HLA-DMA: variants seen among roughly 807,000 people sequenced by gnomAD.
HLA-DMA encodes the protein HLA class II histocompatibility antigen, DM alpha chain.
Under a neutral mutation model 27.3 loss-of-function variants are expected in HLA-DMA, and 20 were observed. That is an observed-to-expected ratio of 0.73 (90% CI 0.52 to 1.07). HLA-DMA has a LOEUF of 1.07. HLA-DMA is among the 50% of genes least tolerant of loss of function. HLA-DMA has a pLI of 0.00. For synonymous variants in HLA-DMA, 111 were observed against 126.8 expected (o/e 0.88, Z 0.83); for missense variants, 241 against 321.7 (o/e 0.75, Z 1.92).
chr6:32,950,156 ACATTGATGTCTAACCATGCAC>A lies in HLA-DMA; in HGVS notation c.374-288_374-268del, dbSNP rs1257881591. ...CTTCAGCACTTCCTGTCTAGAGCTC[ACATTGATGTCTAACCATGCAC>A]TGTCTTCTCACTAAGACATAGTCAC... On this transcript the variant is annotated intron_variant, in intron 2 of 4. Transcript: ENST00000374843. The surrounding 1 kb of genome is among the most constrained non-coding windows in gnomAD (Gnocchi z 5.0). 9.4e-5 allele frequency: 56 copies of A among 594,872 alleles called. No individual in the cohort carries two copies. Among genetic ancestry groups the A allele is most frequent in the Non-Finnish European group, 1.6e-4 (53 of 335,612 alleles). 36.8% of individuals were successfully genotyped at this position (594,872 alleles called of 1,614,324 possible).
Position 32,950,678 on chromosome 6 carries a change from C to T in HLA-DMA, c.214G>A (p.Asp72Asn), listed in dbSNP as rs368160706. 3.7e-6 allele frequency: 6 copies of T among 1,613,046 alleles called. No individual in the cohort carries two copies. Among genetic ancestry groups the T allele is most frequent in the East Asian group, 2.2e-5 (1 of 44,882 alleles). Residue 72 changes from aspartate (D) to asparagine (N), a missense_variant, in exon 2 of 5, where the codon GAC (aspartate) becomes AAC (asparagine). Physicochemically the swap from Asp to Asn is conservative, Grantham distance 23. Coordinates refer to ENST00000374843, the MANE Select transcript of HLA-DMA (RefSeq NM_006120.4). This position sits in a 1 kb window ranked among gnomAD's most constrained non-coding sequence, Gnocchi z 5.0. The part of the protein sequence containing the change: ...AYDEDQLFFF[D>N]FSQNTRVPRL... ...GGCACCCGAGTGTTCTGGGAAAAGT[C>T]GAAGAAGAAAAGCTGGTCCTCGTCG...
intron 1 of HLA-DMA, chr6:32,952,396 A>G: frequency 2.1e-6 from 1 of 471,646 alleles, no homozygotes; most frequent in Non-Finnish European, 4.4e-6. Context: ...AAGTGACCCC[A>G]TAACTGCATA....
chr6:32,948,929 C>T, intron 4 of HLA-DMA, 61 bp from the exon 5 acceptor site: 2 of 1,573,138 alleles, frequency 1.3e-6, no homozygotes, highest in South Asian at 1.1e-5. Context: ...CCTCCTTCTC[C>T]TCCTCCTCCT....
chr6:32,951,217 T>G (rs1228812558), intron 1 of HLA-DMA, among the ~76,000 whole-genome samples: 2 of 152,126 alleles, frequency 1.3e-5, no homozygotes, highest in African/African-American at 4.8e-5. Flanking sequence ...CCCTTTCCTG[T>G]GTCTGTTATT....
Position 32,950,370 on chromosome 6 carries a change from G to A in HLA-DMA, c.373+149C>T. 3 of 958,372 alleles carry A rather than the reference G, an allele frequency of 3.1e-6. No individual in the cohort carries two copies. The highest frequency in any genetic ancestry group is 4.8e-6 in the Non-Finnish European group (3 of 622,346). The allele number at this position is 958,372 out of a possible 1,614,324, so 59.4% of individuals were successfully genotyped here. A position where few individuals can be genotyped will look rare whatever the true frequency, so the allele number is the denominator to read the frequency against. ...TCGGCCCACCAAAAGAACACAGGGTGCAGACCAAGGCTGGTGGAAAAATTA... is the reference window on the plus strand; with the variant it reads ...TCGGCCCACCAAAAGAACACAGGGTACAGACCAAGGCTGGTGGAAAAATTA... On this transcript the variant is annotated intron_variant, in intron 2 of 4. Coordinates refer to ENST00000374843, the MANE Select transcript of HLA-DMA (RefSeq NM_006120.4). This position sits in a 1 kb window ranked among gnomAD's most constrained non-coding sequence, Gnocchi z 5.0.
chr6:32,952,867 T>C, intron 1 of HLA-DMA, 82 bp downstream of exon 1: 1 of 1,043,900 alleles, frequency 9.6e-7, no homozygotes, highest in Non-Finnish European at 1.5e-6. Flanking sequence ...TTCCCACCAC[T>C]CACAAAGCAC....
chr6:32,951,271 C>A (rs1184086855), intron 1 of HLA-DMA, among the ~76,000 whole-genome samples: 1 of 152,160 alleles, frequency 6.6e-6, no homozygotes, highest in Non-Finnish European at 1.5e-5. Context: ...ATTATGGCAT[C>A]TCTCCAAGCT....
Position 32,949,906 on chromosome 6 carries a change from A to C in HLA-DMA, c.374-17T>G, listed in dbSNP as rs758437076. The C allele has an allele frequency of 1.9e-5, 30 of 1,610,450 alleles. No homozygotes were observed. The highest frequency in any genetic ancestry group is 2.5e-5 in the Non-Finnish European group (30 of 1,178,452). ...TAGGAAACCCTGGTGGGGGGATTGA[A>C]GTGTAGGGGGAAAAAGAGACTAGTT... On this transcript the variant is annotated splice_polypyrimidine_tract_variant and intron_variant, in intron 2 of 4. Coordinates refer to ENST00000374843, the MANE Select transcript of HLA-DMA (RefSeq NM_006120.4). The surrounding 1 kb of genome is among the most constrained non-coding windows in gnomAD (Gnocchi z 5.8).
In HLA-DMA at chr6:32,950,367, G is replaced by A. The variant is rs192837278; in HGVS notation, c.373+152C>T. 5.4e-6 allele frequency: 5 copies of A among 921,686 alleles called. No individual in the cohort carries two copies. In the East Asian group the frequency reaches 9.7e-5, roughly 18 times the overall value. 57.1% of individuals were successfully genotyped at this position (921,686 alleles called of 1,614,324 possible). A position where few individuals can be genotyped will look rare whatever the true frequency, so the allele number is the denominator to read the frequency against. ...ACTTCGGCCCACCAAAAGAACACAGGGTGCAGACCAAGGCTGGTGGAAAAA... is the reference window on the plus strand; with the variant it reads ...ACTTCGGCCCACCAAAAGAACACAGAGTGCAGACCAAGGCTGGTGGAAAAA... On this transcript the variant is annotated intron_variant, in intron 2 of 4. Coordinates refer to ENST00000374843, the MANE Select transcript of HLA-DMA (RefSeq NM_006120.4). This position sits in a 1 kb window ranked among gnomAD's most constrained non-coding sequence, Gnocchi z 5.0.
rs753532594 is a variant in HLA-DMA, at chr6:32,949,406, G to A, written c.653-7C>T. Reference sequence around the variant, plus strand: ...GGCAGTGCGTTCCGGGGTACTGGAGGAAATGAGTGGCTCAGCCTGGGGACC... The same window carrying A: ...GGCAGTGCGTTCCGGGGTACTGGAGAAAATGAGTGGCTCAGCCTGGGGACC... On this transcript the variant is annotated splice_polypyrimidine_tract_variant and splice_region_variant and intron_variant, in intron 3 of 4. Coordinates refer to ENST00000374843, the MANE Select transcript of HLA-DMA (RefSeq NM_006120.4). The surrounding 1 kb of genome is among the most constrained non-coding windows in gnomAD (Gnocchi z 5.8). The A allele has an allele frequency of 2.4e-5, 38 of 1,613,480 alleles. No homozygotes were observed. The South Asian group carries it at 3.8e-4, about 16-fold the overall frequency.
intron 1 of HLA-DMA, among the ~76,000 whole-genome samples, chr6:32,952,658 C>T (rs1471698870): frequency 1.3e-5 from 2 of 152,238 alleles, no homozygotes; most frequent in African/African-American, 2.4e-5. Context: ...CAAATCCCAG[C>T]TCTACCACTT....
Position 32,949,719 on chromosome 6 carries a change from G to C in HLA-DMA, c.544C>G (p.Leu182Val). Residue 182 changes from leucine (L) to valine (V), a missense_variant, in exon 3 of 5, where the codon CTC becomes GTC. By Grantham distance (32) the Leu-to-Val change is conservative. Coordinates refer to ENST00000374843, the MANE Select transcript of HLA-DMA (RefSeq NM_006120.4). This position sits in a 1 kb window ranked among gnomAD's most constrained non-coding sequence, Gnocchi z 5.8. ...GPTFVSAVDG[L>V]SFQAFSYLNF... is the part of the protein sequence containing the mutation. ...AAGTAAGAAAAGGCCTGGAAGCTGA[G>C]TCCATCGACAGCTGAGACAAAAGTA... is the stretch of plus-strand genomic sequence containing the variant. 1 of 1,613,076 alleles carries C rather than the reference G, an allele frequency of 6.2e-7. No individual in the cohort carries two copies. The highest frequency in any genetic ancestry group is 1.1e-5 in the South Asian group (1 of 91,078).
chr6:32,950,870 G>C lies in HLA-DMA; in HGVS notation c.89-67C>G, dbSNP rs1157197100. ...TCTCCTCCAACTTAAAAAACAGCAA[G>C]GTGGGGCTAGGCGCAGTGGCTCATG... On this transcript the variant is annotated intron_variant, in intron 1 of 4. Coordinates refer to ENST00000374843, the MANE Select transcript of HLA-DMA (RefSeq NM_006120.4). This position sits in a 1 kb window ranked among gnomAD's most constrained non-coding sequence, Gnocchi z 5.0. The C allele has an allele frequency of 6.6e-7, 1 of 1,516,264 alleles. No individual in the cohort carries two copies. Among genetic ancestry groups the C allele is most frequent in the Non-Finnish European group, 9.0e-7 (1 of 1,111,938 alleles). The allele number at this position is 1,516,264 out of a possible 1,614,324, so 93.9% of individuals were successfully genotyped here.
Position 32,950,469 on chromosome 6 carries a change from A to G in HLA-DMA, c.373+50T>C, listed in dbSNP as rs1393069073. The G allele has an allele frequency of 1.3e-6, 2 of 1,586,006 alleles. No individual in the cohort carries two copies. The highest frequency in any genetic ancestry group is 1.3e-5 in the African/African-American group (1 of 74,354). On this transcript the variant is annotated intron_variant, in intron 2 of 4. Transcript: ENST00000374843. This position sits in a 1 kb window ranked among gnomAD's most constrained non-coding sequence, Gnocchi z 5.0. ...AGGGGAATTATTCAGTGTACAGATC[A>G]ATGAGGTTAATGCAGCCCTCCTCCC...
chr6:32,949,926 C>G lies in HLA-DMA; in HGVS notation c.374-37G>C. 2 of 1,604,150 alleles carry G rather than the reference C, an allele frequency of 1.2e-6. No individual in the cohort carries two copies. On this transcript the variant is annotated intron_variant, in intron 2 of 4. Transcript: ENST00000374843. This position sits in a 1 kb window ranked among gnomAD's most constrained non-coding sequence, Gnocchi z 5.8. The stretch of plus-strand genomic sequence containing the variant: ...ATTGAAGTGTAGGGGGAAAAAGAGA[C>G]TAGTTTAGATGGTATCTCTGTGTTT...
At position 32,949,467 on chromosome 6, in the gene HLA-DMA, G is replaced by C. The variant is rs1370197557; in HGVS notation, c.653-68C>G. On this transcript the variant is annotated intron_variant, in intron 3 of 4. Coordinates refer to ENST00000374843, the MANE Select transcript of HLA-DMA (RefSeq NM_006120.4). This position sits in a 1 kb window ranked among gnomAD's most constrained non-coding sequence, Gnocchi z 5.8. The stretch of plus-strand genomic sequence containing the variant: ...GCCTCCCACCCAGGGAAATGACGTG[G>C]GTGTCTGGGATGACATGGGAGACTG... The C allele has an allele frequency of 6.2e-7, 1 of 1,607,620 alleles. No homozygotes were observed. Among genetic ancestry groups the C allele is most frequent in the African/African-American group, 1.3e-5 (1 of 74,910 alleles).
rs1434884207 is a variant in HLA-DMA, at chr6:32,950,021, T to C, written c.374-132A>G. The C allele has an allele frequency of 1.3e-5, 11 of 851,082 alleles. No homozygotes were observed. The highest frequency in any genetic ancestry group is 1.8e-5 in the Non-Finnish European group (10 of 552,738). The allele number at this position is 851,082 out of a possible 1,614,324, so 52.7% of individuals were successfully genotyped here. On this transcript the variant is annotated intron_variant, in intron 2 of 4. Coordinates refer to ENST00000374843, the MANE Select transcript of HLA-DMA (RefSeq NM_006120.4). The surrounding 1 kb of genome is among the most constrained non-coding windows in gnomAD (Gnocchi z 5.0). Reference sequence around the variant, plus strand: ...TGGGTCAGGCTTTGGGAGACAGAGATGAGCGAGGAGCTGGGCTCTGAAGGG... The same window carrying C: ...TGGGTCAGGCTTTGGGAGACAGAGACGAGCGAGGAGCTGGGCTCTGAAGGG...
intron 4 of HLA-DMA, 112 bp from the exon 5 acceptor site, chr6:32,948,980 T>C: frequency 8.1e-7 from 1 of 1,235,944 alleles, no homozygotes; most frequent in Non-Finnish European, 1.1e-6. Flanking sequence ...CACCACACCC[T>C]GCAGAAGTTG....
At chr6:32,948,940 C>T (rs1776767891) in intron 4 of HLA-DMA, 72 bp from the exon 5 acceptor site, 1 of 1,562,888 alleles carries the variant, frequency 6.4e-7, no homozygotes, top group Non-Finnish European at 8.7e-7. Flanking sequence ...TCCTCCTCCT[C>T]CCCCACAAAG....
Sources: allele counts gnomAD v4.1 joint callset (sites outside exome capture counted in the v4.1 genomes callset), GRCh38; gene constraint gnomAD v4.1.1; non-coding constraint Gnocchi (gnomAD v3.1); transcripts MANE v1.5; gene names NCBI Gene and HGNC (gene_info 2026-07-23, HGNC 2026-07-21).